Variants in XKR4 observed in about 807,000 individuals in gnomAD.
The protein encoded by XKR4 is XK related 4.
Under a neutral mutation model 53.9 loss-of-function variants are expected in XKR4, and 12 were observed. The observed-to-expected ratio is 0.22, with a 90% CI of 0.14 to 0.36. The LOEUF (loss-of-function observed/expected upper bound fraction) is 0.36. Ranked by LOEUF, XKR4 falls within the 10% of genes least tolerant of loss-of-function variation. XKR4 has a pLI of 1.00. For synonymous variants in XKR4, 354 were observed against 362.4 expected (o/e 0.98, Z 0.26); for missense variants, 799 against 859.5 (o/e 0.93, Z 0.88).
At chr8:55,227,069 C>A (rs1338534475) in intron 1 of XKR4, among the ~76,000 whole-genome samples, 1 of 152,184 alleles carries the variant, frequency 6.6e-6, no homozygotes, top group Admixed American at 6.5e-5. Flanking sequence ...CCCCCACCCC[C>A]TTGTGTGTGG....
rs75639315 is a variant in XKR4 at position 55,212,281 on chromosome 8, A to T, written c.806+108987A>T. On this transcript the variant is annotated intron_variant, in intron 1 of 2. Coordinates refer to ENST00000327381, the MANE Select transcript of XKR4 (RefSeq NM_052898.2). The stretch of plus-strand genomic sequence containing the variant: ...AATTCTCTCCTGGATCAGGAAAAAG[A>T]CATGGAAAATGAAGAAGATTCTCTG... Among the ~76,000 whole-genome samples the T allele has an allele frequency of 2.2e-4, 33 of 152,374 alleles. No individual in the cohort carries two copies. In the East Asian group the frequency reaches 3.5e-3, roughly 16 times the overall value.
intron 2 of XKR4, among the ~76,000 whole-genome samples, chr8:55,469,858 G>A (rs1054345268): frequency 3.9e-5 from 6 of 152,062 alleles, no homozygotes; most frequent in Admixed American, 6.6e-5. Context: ...AACAGGACCT[G>A]GTCAATCATT....
At chr8:55,192,016 G>A (rs1337728978) in intron 1 of XKR4, among the ~76,000 whole-genome samples, 1 of 151,344 alleles carries the variant, frequency 6.6e-6, no homozygotes, top group Non-Finnish European at 1.5e-5. Flanking sequence ...CCTTAAAAGT[G>A]TTACTTTTGT....
intron 1 of XKR4, among the ~76,000 whole-genome samples, chr8:55,350,717 G>A (rs1401614332): frequency 6.8e-6 from 1 of 147,490 alleles, no homozygotes; most frequent in Non-Finnish European, 1.5e-5. Context: ...TAGAGATTAT[G>A]TTTTCTTTTC....
chr8:55,247,238 G>A (rs948259675), intron 1 of XKR4, among the ~76,000 whole-genome samples: 8 of 152,184 alleles, frequency 5.3e-5, no homozygotes, highest in African/African-American at 1.2e-4. Flanking sequence ...GCAGGAAGAC[G>A]GAGAAGCTAT....
chr8:55,449,871 G>A (rs988015846), intron 2 of XKR4: 3 of 937,970 alleles, frequency 3.2e-6, no homozygotes, highest in South Asian at 2.6e-5. Flanking sequence ...TGGCTGTAAG[G>A]GTGCTGGTGC....
At chr8:55,515,053 GGAGA>G (rs1252926517) in intron 2 of XKR4, among the ~76,000 whole-genome samples, 1 of 152,206 alleles carries the variant, frequency 6.6e-6, no homozygotes, top group African/African-American at 2.4e-5. Flanking sequence ...TCAAGAAGGA[GGAGA>G]GACACTTTGC....
At chr8:55,329,440 C>A (rs1803351019) in intron 1 of XKR4, among the ~76,000 whole-genome samples, 1 of 151,700 alleles carries the variant, frequency 6.6e-6, no homozygotes, top group Admixed American at 6.6e-5. Context: ...CATGTAAGGC[C>A]CACAACAATT....
At chr8:55,459,411 A>G (rs1417465518) in intron 2 of XKR4, among the ~76,000 whole-genome samples, 1 of 152,168 alleles carries the variant, frequency 6.6e-6, no homozygotes, top group Non-Finnish European at 1.5e-5. Context: ...TGACTCATTA[A>G]ATAATATAAT....
At chr8:55,289,956 A>G (rs1187076272) in intron 1 of XKR4, among the ~76,000 whole-genome samples, 1 of 152,040 alleles carries the variant, frequency 6.6e-6, no homozygotes, top group South Asian at 2.1e-4. Flanking sequence ...ATTCCCGCTT[A>G]TAATGTATGA....
chr8:55,336,023 T>C (rs2129381366), intron 1 of XKR4, among the ~76,000 whole-genome samples: 1 of 146,454 alleles, frequency 6.8e-6, no homozygotes, highest in African/African-American at 2.5e-5. Context: ...TTATAAAAAA[T>C]TTTATGCAAC....
At chr8:55,103,872 T>C (rs1318706521) in intron 1 of XKR4, among the ~76,000 whole-genome samples, 1 of 142,090 alleles carries the variant, frequency 7.0e-6, no homozygotes, top group Non-Finnish European at 1.5e-5. Context: ...TATATATATA[T>C]ATATATATAT....
At chr8:55,122,179 T>G (rs1816401201) in intron 1 of XKR4, among the ~76,000 whole-genome samples, 1 of 152,246 alleles carries the variant, frequency 6.6e-6, no homozygotes, top group Admixed American at 6.5e-5. Flanking sequence ...TAATAATTTT[T>G]GGCCTAAATT....
chr8:55,443,498 C>T (rs1369345649), intron 2 of XKR4, among the ~76,000 whole-genome samples: 2 of 93,970 alleles, frequency 2.1e-5, no homozygotes, highest in South Asian at 3.8e-4. Flanking sequence ...AGAAACAATA[C>T]TGTTTGTTTG....
At chr8:55,282,947 T>A (rs1441782047) in intron 1 of XKR4, among the ~76,000 whole-genome samples, 1 of 152,200 alleles carries the variant, frequency 6.6e-6, no homozygotes, top group Non-Finnish European at 1.5e-5. Context: ...ATCTTTTATA[T>A]CATATTTTTA....
intron 2 of XKR4, among the ~76,000 whole-genome samples, chr8:55,514,883 C>T (rs1563370863): frequency 6.6e-6 from 1 of 152,096 alleles, no homozygotes; most frequent in Non-Finnish European, 1.5e-5. Flanking sequence ...ATTTTTTTCT[C>T]AGAGAAAGTA....
At chr8:55,259,702 T>C (rs906378547) in intron 1 of XKR4, among the ~76,000 whole-genome samples, 5 of 152,220 alleles carry the variant, frequency 3.3e-5, no homozygotes, top group Admixed American at 2.0e-4. Flanking sequence ...CCTATTGATC[T>C]ACCTATCTGG....
chr8:55,453,027 A>T, intron 2 of XKR4: 1 of 628,280 alleles, frequency 1.6e-6, no homozygotes. Flanking sequence ...GTGCTCTCTC[A>T]TCCTCCTGGG....
chr8:55,509,103 A>C (rs2129404399), intron 2 of XKR4, among the ~76,000 whole-genome samples: 1 of 152,296 alleles, frequency 6.6e-6, no homozygotes, highest in South Asian at 2.1e-4. Flanking sequence ...TTCCTTCATC[A>C]TCATTTTTCA....
Sources: gnomAD v4.1 joint callset for allele counts (sites outside exome capture counted in the v4.1 genomes callset) on GRCh38, gnomAD v4.1.1 for gene constraint, MANE v1.5 for transcripts, NCBI Gene and HGNC (gene_info 2026-07-23, HGNC 2026-07-21) for gene names.